The following MZF1 variants were observed in gnomAD, a reference collection of about 807,000 sequenced individuals.
MZF1 encodes zinc finger and SCAN domain-containing protein 6.
In MZF1, 24 loss-of-function variants were observed where a neutral mutation model predicts 28.6. That is an observed-to-expected ratio of 0.84 (90% CI 0.61 to 1.18). The LOEUF (loss-of-function observed/expected upper bound fraction) is 1.18. MZF1 is among the 50% of genes most tolerant of loss of function. The pLI is 0.00. For synonymous variants in MZF1, 516 were observed against 432.5 expected (o/e 1.19, Z -2.40); for missense variants, 1,166 against 1,026.4 (o/e 1.14, Z -1.86).
intron 5 of MZF1, among the ~76,000 whole-genome samples, chr19:58,564,924 T>G (rs973412637): frequency 4.5e-4 from 55 of 123,448 alleles, no homozygotes; most frequent in East Asian, 1.2e-3. Flanking sequence ...TTTTTTTTTT[T>G]TTTTTTTTTT....
In MZF1 at chr19:58,570,496, A is replaced by G. The variant is rs751953090; in HGVS notation, c.428T>C (p.Leu143Pro). The G allele has an allele frequency of 3.1e-6, 5 of 1,613,660 alleles. No homozygotes were observed. In the South Asian group the frequency reaches 5.5e-5, roughly 18 times the overall value. Residue 143 changes from leucine to proline, a missense_variant, in exon 3 of 6, where the codon CTA becomes CCA. Physicochemically the swap from Leu to Pro is moderately conservative, Grantham distance 98 (BLOSUM62 -3). Transcript: ENST00000215057. ...ACTGGAGGGCTCCATCTTCTCTGAT[A>G]GGACCTCCTGGCCCTGCACCTGGAC... ...VTVQVQGQEV[L>P]SEKMEPSSFQ...
intron 3 of MZF1, 190 bp downstream of exon 3, chr19:58,570,154 T>TGAG (rs1278930367): frequency 1.7e-6 from 1 of 581,246 alleles, no homozygotes; most frequent in African/African-American, 1.9e-5. Flanking sequence ...GCTTGGTGTG[T>TGAG]GAGGGGTAGT....
intron 1 of MZF1, chr19:58,572,642 G>A (rs750375012): frequency 7.8e-7 from 1 of 1,289,022 alleles, no homozygotes. Flanking sequence ...TTCCCCCGTG[G>A]GTGGCATCGA....
chr19:58,571,751 G>C (rs2054168182), intron 1 of MZF1: 1 of 234,520 alleles, frequency 4.3e-6, no homozygotes, highest in African/African-American at 2.3e-5. Flanking sequence ...GCGAGATCAT[G>C]CGTCACTGCA....
intron 5 of MZF1, among the ~76,000 whole-genome samples, chr19:58,565,423 T>A (rs2054029079): frequency 1.3e-5 from 2 of 151,918 alleles, no homozygotes; most frequent in Non-Finnish European, 2.9e-5. Flanking sequence ...AGAGACATGG[T>A]TTCACCATGT....
intron 5 of MZF1, chr19:58,569,038 T>G (rs919039369): frequency 4.4e-6 from 2 of 452,676 alleles, no homozygotes; most frequent in African/African-American, 4.1e-5. Flanking sequence ...AAGGTTTTAC[T>G]AGGGTGGGGA....
chr19:58,567,429 G>T (rs1271853774), intron 5 of MZF1, among the ~76,000 whole-genome samples: 2 of 152,368 alleles, frequency 1.3e-5, no homozygotes, highest in South Asian at 2.1e-4. Flanking sequence ...GCTATGTTAA[G>T]GGTGAGAAAC....
Position 58,562,719 on chromosome 19 carries a change from C to T in MZF1, c.1558G>A (p.Glu520Lys), listed in dbSNP as rs749873621. Residue 520 changes from glutamate to lysine, a missense_variant, in exon 6 of 6, where the codon GAG becomes AAG. Transcript: ENST00000215057. Reference protein sequence around the residue: ...DKSFGCVECGERFGRRSVLLQ... With the variant: ...DKSFGCVECGKRFGRRSVLLQ... ...AGCACTGAGCGGCGGCCGAAGCGCT[C>T]GCCGCACTCGACGCAGCCAAAGGAC... is the stretch of plus-strand genomic sequence containing the variant. 2 of 1,535,094 alleles carry T rather than the reference C, an allele frequency of 1.3e-6. No individual in the cohort carries two copies. Among genetic ancestry groups the T allele is most frequent in the Non-Finnish European group, 1.7e-6 (2 of 1,147,102 alleles).
At chr19:58,565,997 C>T (rs1218625547) in intron 5 of MZF1, among the ~76,000 whole-genome samples, 1 of 151,380 alleles carries the variant, frequency 6.6e-6, no homozygotes, top group African/African-American at 2.4e-5. Flanking sequence ...AATATTTAGC[C>T]AGGCGTGGTG....
rs1315460759 is a variant in MZF1 at position 58,572,480 on chromosome 19, T to A, written c.-41+575A>T. The A allele has an allele frequency of 3.4e-6, 4 of 1,187,058 alleles. No homozygotes were observed. The Admixed American group carries it at 7.0e-5, about 21-fold the overall frequency. 73.5% of individuals were successfully genotyped at this position (1,187,058 alleles called of 1,614,324 possible). On this transcript the variant is annotated intron_variant, in intron 1 of 5. Coordinates refer to ENST00000215057, the MANE Select transcript of MZF1 (RefSeq NM_198055.2). ...GGAGCCTGCAAGGAAGTCCCGAGACTCTGATTCCGCCCATCTTCAGATCAC... is the reference window on the plus strand; with the variant it reads ...GGAGCCTGCAAGGAAGTCCCGAGACACTGATTCCGCCCATCTTCAGATCAC...
chr19:58,564,898 G>GTTTTTTTTTTTTTTTTTTTTTTT lies in MZF1; in HGVS notation c.773-1395_773-1394insAAAAAAAAAAAAAAAAAAAAAAA, dbSNP rs1600099960. 1.4e-4 allele frequency among the ~76,000 whole-genome samples: 13 copies of GTTTTTTTTTTTTTTTTTTTTTTT among 91,950 alleles called. 5 individuals carry two copies. Among genetic ancestry groups the GTTTTTTTTTTTTTTTTTTTTTTT allele is most frequent in the African/African-American group, 6.9e-4 (13 of 18,950 alleles). 60.3% of individuals were successfully genotyped at this position (91,950 alleles called of 152,430 possible). A position where few individuals can be genotyped will look rare whatever the true frequency, so the allele number is the denominator to read the frequency against. ...CAGGGTGGAGAATAAGCATCCATGT[G>GTTTTTTTTTTTTTTTTTTTTTTT]TGTGTTTTTTTTTTTTTTTTTTTTT... is the stretch of plus-strand genomic sequence containing the variant. On this transcript the variant is annotated intron_variant, in intron 5 of 5. Transcript: ENST00000215057.
At chr19:58,570,254 TG>T in intron 3 of MZF1, 89 bp downstream of exon 3, 1 of 1,359,722 alleles carries the variant, frequency 7.4e-7, no homozygotes, top group Non-Finnish European at 1.0e-6. Flanking sequence ...ATAACAAACC[TG>T]GCCCAGTGGA....
chr19:58,565,417 A>T (rs1338645494), intron 5 of MZF1, among the ~76,000 whole-genome samples: 1 of 147,814 alleles, frequency 6.8e-6, no homozygotes, highest in African/African-American at 2.7e-5. Flanking sequence ...TTTAGTAGAG[A>T]CATGGTTTCA....
intron 1 of MZF1, 124 bp from the exon 2 acceptor site, chr19:58,571,553 AAAG>A: frequency 1.1e-6 from 1 of 903,798 alleles, no homozygotes; most frequent in East Asian, 2.7e-5. Flanking sequence ...GGAAACAGGC[AAAG>A]AAAGGCCATC....
At position 58,570,487 on chromosome 19, in the gene MZF1, T is replaced by C; in HGVS notation, c.437A>G (p.Lys146Arg). ...GGGCTGGAAACTGGAGGGCTCCATC[T>C]TCTCTGATAGGACCTCCTGGCCCTG... is the stretch of plus-strand genomic sequence containing the variant. ...QVQGQEVLSEKMEPSSFQPLP... is the reference protein window; with the variant it reads ...QVQGQEVLSERMEPSSFQPLP... Residue 146 changes from lysine (K) to arginine (R), a missense_variant, in exon 3 of 6, where the codon AAG (lysine) becomes AGG (arginine). By Grantham distance (26) the Lys-to-Arg change is conservative. Coordinates refer to ENST00000215057, the MANE Select transcript of MZF1 (RefSeq NM_198055.2). 1 of 1,613,856 alleles carries C rather than the reference T, an allele frequency of 6.2e-7. No homozygotes were observed. The highest frequency in any genetic ancestry group is 8.5e-7 in the Non-Finnish European group (1 of 1,179,808).
rs2054160159 is a variant in MZF1 at position 58,571,351 on chromosome 19, G to A, written c.39C>T (p.Pro13=). The change falls in exon 2 of 6, where the codon CCC becomes CCT. Residue 13 remains proline, a synonymous_variant. Coordinates refer to ENST00000215057, the MANE Select transcript of MZF1 (RefSeq NM_198055.2). ...PAVLGSPDRA[P]PEDEGPVMVK... ...CCATGACAGGCCCCTCATCTTCTGGGGGTGCTCGGTCTGGGGAGCCCAGCA... is the reference window on the plus strand; with the variant it reads ...CCATGACAGGCCCCTCATCTTCTGGAGGTGCTCGGTCTGGGGAGCCCAGCA... 3 of 1,614,070 alleles carry A rather than the reference G, an allele frequency of 1.9e-6. No homozygotes were observed. The highest frequency in any genetic ancestry group is 2.5e-6 in the Non-Finnish European group (3 of 1,180,044).
Position 58,562,043 on chromosome 19 carries a change from A to C in MZF1, c.*29T>G. 6.5e-7 allele frequency: 1 copy of C among 1,542,356 alleles called. No individual in the cohort carries two copies. The highest frequency in any genetic ancestry group is 8.7e-7 in the Non-Finnish European group (1 of 1,144,854). On this transcript the variant is annotated 3_prime_UTR_variant, in exon 6 of 6. Coordinates refer to ENST00000215057, the MANE Select transcript of MZF1 (RefSeq NM_198055.2). ...ACCAGGGGAGGTAGGTGTTCTGACC[A>C]TGGCGGACACAGTGCGTCCCGGCTG... is the stretch of plus-strand genomic sequence containing the variant.
intron 1 of MZF1, 151 bp from the exon 2 acceptor site, chr19:58,571,580 C>T (rs1043128816): frequency 1.4e-6 from 1 of 718,128 alleles, no homozygotes; most frequent in Non-Finnish European, 2.2e-6. Flanking sequence ...AACCCACAGA[C>T]TTATGCAGCT....
chr19:58,570,726 T>C, intron 2 of MZF1, 199 bp from the exon 3 acceptor site: 2 of 676,150 alleles, frequency 3.0e-6, no homozygotes, highest in Admixed American at 2.9e-5. Context: ...TCCCCTGCTC[T>C]GACATCGTGG....
Sources: gnomAD v4.1 joint callset for allele counts (sites outside exome capture counted in the v4.1 genomes callset) on GRCh38, gnomAD v4.1.1 for gene constraint, MANE v1.5 for transcripts, NCBI Gene and HGNC (gene_info 2026-07-23, HGNC 2026-07-21) for gene names.